Variants in PPP2R1B observed in about 807,000 individuals in gnomAD.
PPP2R1B encodes protein phosphatase 2 scaffold subunit Abeta, also known as serine/threonine-protein phosphatase 2A 65 kDa regulatory subunit A beta isoform.
Under a neutral mutation model 72.7 loss-of-function variants are expected in PPP2R1B, and 58 were observed. The ratio of observed to expected loss-of-function variants is 0.80; its 90% CI spans 0.65 to 0.99. The LOEUF (loss-of-function observed/expected upper bound fraction) is 0.99. Ranked by LOEUF, PPP2R1B falls within the 50% of genes least tolerant of loss-of-function variation. The pLI, the probability that PPP2R1B is intolerant of heterozygous loss-of-function variation, is 0.00. For synonymous variants in PPP2R1B, 256 were observed against 264.6 expected, an observed-to-expected ratio of 0.97 and a Z score of 0.32; for missense variants, 695 against 733.6, an observed-to-expected ratio of 0.95 and a Z score of 0.61.
chr11:111,743,132 G>A (rs1944584343), intron 12 of PPP2R1B, among the ~76,000 whole-genome samples: 1 of 152,130 alleles, frequency 6.6e-6, no homozygotes, highest in South Asian at 2.1e-4. Flanking sequence ...GACCTCAGGT[G>A]ATCTGCCCGC....
downstream of PPP2R1B, chr11:111,726,877 G>A (rs1943985018): frequency 1.6e-6 from 2 of 1,216,142 alleles, no homozygotes; most frequent in Admixed American, 1.9e-5. Flanking sequence ...ACTTTGGTGA[G>A]ATGAACGTGA....
At chr11:111,698,415 T>C in the PPP2R1B span, among the ~76,000 whole-genome samples, 1 of 152,160 alleles carries the variant, frequency 6.6e-6, no homozygotes, top group Non-Finnish European at 1.5e-5. Context: ...AAGTTCAGAA[T>C]GAAGTGGCTC....
rs960975141 is a variant in PPP2R1B at position 111,729,306 on chromosome 11, A to T, written c.1912-2249T>A. ...AACCAGGCGGCAGCAGTGCTCGCAGACCCACCCAGGGAGAGCTGTGATGGG... is the reference window on the plus strand; with the variant it reads ...AACCAGGCGGCAGCAGTGCTCGCAGTCCCACCCAGGGAGAGCTGTGATGGG... On this transcript the variant is annotated intron_variant, in intron 15 of 15. Coordinates refer to the PPP2R1B transcript ENST00000311129. The T allele has an allele frequency of 4.2e-4, 64 of 152,234 alleles. 2 individuals are homozygous for T. Among genetic ancestry groups the T allele is most frequent in the Admixed American group, 4.2e-3 (64 of 15,280 alleles). 9.4% of individuals were successfully genotyped at this position (152,234 alleles called of 1,614,324 possible). A position where few individuals can be genotyped will look rare whatever the true frequency, so the allele number is the denominator to read the frequency against.
In PPP2R1B at chr11:111,752,255, CTG is replaced by C; in HGVS notation, c.1240_1241del (p.Gln414ValfsTer23). ...GCTCCACTATGGCAGGAAGGAGAGA[CTG>C]AGAGAGCTGACGGATTCCAATCACT... ...NEVIGIRQLS[Q>X]SLLPAIVELA... On this transcript the variant is annotated frameshift_variant, in exon 10 of 15. Transcript: ENST00000527614. LOFTEE classifies it high-confidence loss of function. The C allele has an allele frequency of 6.2e-7, 1 of 1,614,106 alleles. No individual in the cohort carries two copies. Among genetic ancestry groups the C allele is most frequent in the Non-Finnish European group, 8.5e-7 (1 of 1,180,006 alleles).
chr11:111,724,090 T>C (rs769103258), downstream of PPP2R1B: 107 of 1,613,124 alleles, frequency 6.6e-5, no homozygotes, highest in Middle Eastern at 3.3e-4. Flanking sequence ...TGCTAGACGC[T>C]GTGGATCCAC....
intron 3 of PPP2R1B, among the ~76,000 whole-genome samples, chr11:111,762,399 T>C (rs1200965955): frequency 6.6e-6 from 1 of 152,102 alleles, no homozygotes; most frequent in Non-Finnish European, 1.5e-5. Flanking sequence ...TGTAACCCCC[T>C]CTCGTGCAGT....
the PPP2R1B span, chr11:111,712,275 T>C: frequency 6.2e-7 from 1 of 1,614,198 alleles, no homozygotes; most frequent in South Asian, 1.1e-5. Context: ...CGATCTGCCC[T>C]CCTCCCCCAG....
rs768405219 is a variant in PPP2R1B, at chr11:111,742,562, G to A, written c.1658C>T (p.Ala553Val). The A allele has an allele frequency of 2.5e-6, 4 of 1,613,632 alleles. No homozygotes were observed. The Admixed American group carries it at 6.7e-5, about 27-fold the overall frequency. Residue 553 changes from alanine (A) to valine (V), a missense_variant, in exon 13 of 15, where the codon GCC becomes GTC. Transcript: ENST00000527614. ...DQVANVRFNV[A>V]KSLQKIGPIL... ...TGGTCCAATCTTTTGTAGAGATTTG[G>A]CCACATTGAAGCGAACATTTGCTAC...
downstream of PPP2R1B, chr11:111,724,914 C>T (rs1943921431): frequency 6.6e-6 from 1 of 152,316 alleles, no homozygotes; most frequent in South Asian, 2.1e-4. Flanking sequence ...CTCAAGAACG[C>T]ATCAAGAGCA....
chr11:111,716,252 T>C, the PPP2R1B span, among the ~76,000 whole-genome samples: 6 of 152,226 alleles, frequency 3.9e-5, no homozygotes, highest in East Asian at 5.8e-4. Context: ...TTAATAACTT[T>C]TTTTATGACA....
At chr11:111,694,864 T>C in the PPP2R1B span, among the ~76,000 whole-genome samples, 1 of 152,200 alleles carries the variant, frequency 6.6e-6, no homozygotes, top group Non-Finnish European at 1.5e-5. Flanking sequence ...ATTTATTTGC[T>C]TCTTAGCTCA....
At chr11:111,764,601 C>T (rs1438425895) in intron 3 of PPP2R1B, among the ~76,000 whole-genome samples, 3 of 150,502 alleles carry the variant, frequency 2.0e-5, no homozygotes, top group Non-Finnish European at 1.5e-5. Flanking sequence ...AAAAGGAGGA[C>T]GAAGTTCTCT....
intron 15 of PPP2R1B, chr11:111,727,140 C>A (rs1943997848): frequency 1.7e-6 from 2 of 1,198,852 alleles, no homozygotes; most frequent in Non-Finnish European, 2.5e-6. Context: ...TCCCCAGCTG[C>A]CCCCTCGCCA....
intron 10 of PPP2R1B, among the ~76,000 whole-genome samples, chr11:111,750,840 TTTG>T (rs1354018606): frequency 7.8e-6 from 1 of 127,634 alleles, no homozygotes; most frequent in Non-Finnish European, 1.7e-5. Context: ...TTGTTTTTGT[TTTG>T]TTTTTTTTTT....
In PPP2R1B at chr11:111,743,418, A is replaced by T; in HGVS notation, c.1512T>A (p.Asp504Glu). 6.2e-7 allele frequency: 1 copy of T among 1,613,066 alleles called. No individual in the cohort carries two copies. The highest frequency in any genetic ancestry group is 8.5e-7 in the Non-Finnish European group (1 of 1,179,100). The change falls in exon 12 of 15, where the codon GAT (aspartate) becomes GAA (glutamate). Residue 504 changes from aspartate to glutamate, a missense_variant. By Grantham distance (45) the Asp-to-Glu change is conservative. Transcript: ENST00000527614. ...TGGTCATTCTATGCAAGTAATTAGG[A>T]TCATTTGCCATTACTAACACTTTGG... ...IVPKVLVMAN[D>E]PNYLHRMTTL...
the PPP2R1B span, chr11:111,701,393 A>G: frequency 1.3e-6 from 2 of 1,572,956 alleles, no homozygotes; most frequent in Non-Finnish European, 1.7e-6. The surrounding 1 kb of genome is among the most constrained non-coding windows in gnomAD (Gnocchi z 4.2). Flanking sequence ...GATGTTCAGG[A>G]AAACAAAGAG....
Position 111,740,749 on chromosome 11 carries a change from G to A in PPP2R1B, c.*847C>T, listed in dbSNP as rs368338458. On this transcript the variant is annotated 3_prime_UTR_variant, in exon 15 of 15. Transcript: ENST00000527614. ...TGGAAGCAGAGCCAGGTAAAGAACAGGAAATCTGCACAGTATTATCCCTGT... is the reference window on the plus strand; with the variant it reads ...TGGAAGCAGAGCCAGGTAAAGAACAAGAAATCTGCACAGTATTATCCCTGT... 9 of 985,438 alleles carry A rather than the reference G, an allele frequency of 9.1e-6. No individual in the cohort carries two copies. The South Asian group carries it at 3.8e-4, about 41-fold the overall frequency. The allele number at this position is 985,438 out of a possible 1,614,324, so 61.0% of individuals were successfully genotyped here.
chr11:111,736,101 G>A (rs563472635), downstream of PPP2R1B, among the ~76,000 whole-genome samples: 17 of 152,328 alleles, frequency 1.1e-4, no homozygotes, highest in African/African-American at 3.1e-4. Flanking sequence ...CCAGGGGTTG[G>A]AGGAGATTCA....
the PPP2R1B span, among the ~76,000 whole-genome samples, chr11:111,702,551 AGAC>A: frequency 9.4e-4 from 143 of 152,354 alleles, no homozygotes; most frequent in African/African-American, 3.1e-3. Flanking sequence ...CCTGGGCAAG[AGAC>A]TGAGACCCTG....
Sources: allele counts gnomAD v4.1 joint callset (sites outside exome capture counted in the v4.1 genomes callset), GRCh38; gene constraint gnomAD v4.1.1; non-coding constraint Gnocchi (gnomAD v3.1); transcripts MANE v1.5; gene names NCBI Gene and HGNC (gene_info 2026-07-23, HGNC 2026-07-21).